RIN2: variants seen among roughly 807,000 people sequenced by gnomAD.
RIN2 encodes RAB5 interacting protein 2.
Under a neutral mutation model 78.0 loss-of-function variants are expected in RIN2, and 36 were observed. The ratio of observed to expected loss-of-function variants is 0.46; its 90% confidence interval spans 0.35 to 0.61. RIN2 has a LOEUF of 0.61. RIN2 is among the 20% of genes least tolerant of loss of function. The pLI is 0.00. For missense variants in RIN2, 1,087 were observed against 1,159.7 expected, an observed-to-expected ratio of 0.94 and a Z score of 0.91; for synonymous variants, 466 against 466.8, an observed-to-expected ratio of 1.00 and a Z score of 0.02.
chr20:19,968,665 T>G (rs1397846818), intron 7 of RIN2, among the ~76,000 whole-genome samples: 1 of 152,206 alleles, frequency 6.6e-6, no homozygotes, highest in East Asian at 1.9e-4. Flanking sequence ...ACGTTTAAGC[T>G]CCAGGTACTG....
In RIN2 at chr20:19,974,771, T is replaced by C. The variant is rs944494616; in HGVS notation, c.746T>C (p.Val249Ala). ...CGTCAGCTCTGCCTTATAAATGGAG[T>C]GCATTCTATCAAAACCAGGACGCCT... is the stretch of plus-strand genomic sequence containing the variant. ...SLRQLCLING[V>A]HSIKTRTPSE... is the part of the protein sequence containing the mutation. The change falls in exon 9 of 13, where the codon GTG (valine) becomes GCG (alanine). Residue 249 changes from valine (V) to alanine (A), a missense_variant. Transcript: ENST00000255006. 4 of 1,613,698 alleles carry C rather than the reference T, an allele frequency of 2.5e-6. No individual in the cohort carries two copies. Among genetic ancestry groups the C allele is most frequent in the Non-Finnish European group, 3.4e-6 (4 of 1,179,872 alleles).
rs1225900739 is a variant in RIN2 at position 19,996,785 on chromosome 20, G to T, written c.2307G>T (p.Arg769Ser). 1 of 1,611,646 alleles carries T rather than the reference G, an allele frequency of 6.2e-7. No individual in the cohort carries two copies. ...GCTCAGAAACCAGAGACACCCTGAGGCAGTGGCACAAACGGAGAACCACCA... is the reference window on the plus strand; with the variant it reads ...GCTCAGAAACCAGAGACACCCTGAGTCAGTGGCACAAACGGAGAACCACCA... ...LLSSETRDTL[R>S]QWHKRRTTNR... Residue 769 changes from arginine (R) to serine (S), a missense_variant, in exon 12 of 13, where the codon AGG (arginine) becomes AGT (serine). Physicochemically the swap from Arg to Ser is moderately radical, Grantham distance 110 (BLOSUM62 -1). Coordinates refer to ENST00000255006, the MANE Select transcript of RIN2 (RefSeq NM_018993.4).
chr20:19,862,529 G>T (rs1015008985), intron 2 of RIN2, among the ~76,000 whole-genome samples: 1 of 152,184 alleles, frequency 6.6e-6, no homozygotes, highest in Admixed American at 6.5e-5. Context: ...GGAGGCAGAG[G>T]TTGCGGTGAG....
At chr20:19,948,887 C>T (rs1283700565) in intron 4 of RIN2, among the ~76,000 whole-genome samples, 1 of 152,054 alleles carries the variant, frequency 6.6e-6, no homozygotes, top group Admixed American at 6.6e-5. Context: ...ACTGCAGCCT[C>T]AACCTCCTAG....
chr20:19,885,632 C>A (rs562427794), intron 2 of RIN2, among the ~76,000 whole-genome samples: 1 of 151,902 alleles, frequency 6.6e-6, no homozygotes, highest in South Asian at 2.1e-4. Context: ...TGCCACTGCA[C>A]TGCAGCCTGG....
intron 3 of RIN2, among the ~76,000 whole-genome samples, chr20:19,898,628 A>C (rs2038845190): frequency 6.6e-6 from 1 of 152,226 alleles, no homozygotes. Context: ...CAAGGCAATA[A>C]AACTGTAACC....
Position 19,975,261 on chromosome 20 carries a change from G to T in RIN2, c.1236G>T (p.Pro412=). 6.3e-7 allele frequency: 1 copy of T among 1,584,356 alleles called. No individual in the cohort carries two copies. The change falls in exon 9 of 13, where the codon CCG becomes CCT. Residue 412 remains proline, a synonymous_variant. Transcript: ENST00000255006. The surrounding 1 kb of genome is among the most constrained non-coding windows in gnomAD (Gnocchi z 4.9). ...CCCCGGGGGATTGCACAAGGGCCCCGCCGCCCAGCTCTGAATCACGGCCCC... is the reference window on the plus strand; with the variant it reads ...CCCCGGGGGATTGCACAAGGGCCCCTCCGCCCAGCTCTGAATCACGGCCCC... ...EAAPGDCTRA[P]PPSSESRPPC...
In RIN2 at chr20:20,000,637, G is replaced by C. The variant is rs555126660; in HGVS notation, c.2389G>C (p.Glu797Gln). The C allele has an allele frequency of 2.5e-5, 40 of 1,598,140 alleles. No homozygotes were observed. The East Asian group carries it at 4.9e-4, about 20-fold the overall frequency. Residue 797 changes from glutamate (E) to glutamine (Q), a missense_variant, in exon 13 of 13, where the codon GAG (glutamate) becomes CAG (glutamine). Coordinates refer to ENST00000255006, the MANE Select transcript of RIN2 (RefSeq NM_018993.4). ...GAATTACCTCCGAGTTGCATTTCAG[G>C]AGGTCAACAGTGGTTGCACAGGAAA... ...FQNYLRVAFQ[E>Q]VNSGCTGKTL...
At chr20:19,848,349 A>G (rs968894573) in intron 2 of RIN2, among the ~76,000 whole-genome samples, 1 of 151,956 alleles carries the variant, frequency 6.6e-6, no homozygotes, top group Admixed American at 6.6e-5. Flanking sequence ...CCTGGCCAAC[A>G]TGGTGAAACC....
intron 4 of RIN2, among the ~76,000 whole-genome samples, chr20:19,937,616 T>A (rs1396629383): frequency 2.0e-5 from 3 of 152,258 alleles, no homozygotes; most frequent in Non-Finnish European, 4.4e-5. Flanking sequence ...ACCTTGATCT[T>A]TAACTTTGTC....
rs1055931993 is a variant in RIN2, at chr20:19,996,139, C to T, written c.2201-540C>T. Among the ~76,000 whole-genome samples, 8 of 152,248 alleles carry T rather than the reference C, an allele frequency of 5.3e-5. No individual in the cohort carries two copies. The East Asian group carries it at 1.5e-3, about 29-fold the overall frequency. ...GACCAGCCTGGCCAATATGGTGAAA[C>T]CCCATCTCTACTAAAAATACAAAAA... On this transcript the variant is annotated intron_variant, in intron 11 of 12. Coordinates refer to ENST00000255006, the MANE Select transcript of RIN2 (RefSeq NM_018993.4).
chr20:19,873,430 AAC>A (rs1230708616), intron 2 of RIN2, among the ~76,000 whole-genome samples: 5 of 152,180 alleles, frequency 3.3e-5, no homozygotes, highest in African/African-American at 1.2e-4. Flanking sequence ...CCAACCATGT[AAC>A]ACACTTTTTC....
Position 19,986,177 on chromosome 20 carries a change from G to A in RIN2, c.1763-3829G>A, listed in dbSNP as rs181788724. ...GAGGTGGTTCATGTTATGAAAGATC[G>A]TCTGTTCCTTGGGCTCCTCAAATCC... On this transcript the variant is annotated intron_variant, in intron 9 of 12. Transcript: ENST00000255006. Among the ~76,000 whole-genome samples the A allele has an allele frequency of 3.6e-3, 549 of 152,204 alleles. 2 individuals carry two copies. The highest frequency in any genetic ancestry group is 0.01 in the Middle Eastern group (3 of 294).
At chr20:19,904,600 C>G (rs536389752) in intron 3 of RIN2, among the ~76,000 whole-genome samples, 18 of 152,262 alleles carry the variant, frequency 1.2e-4, no homozygotes, top group African/African-American at 4.3e-4. Flanking sequence ...GGAGTGACAT[C>G]TGAGGCTCTG....
Position 20,001,269 on chromosome 20 carries a change from T to G in RIN2, c.*333T>G. ...AGAAACACTTAAGATACAAGTTCTT[T>G]TGAATTCAACAGCAGATGCTTGCGA... On this transcript the variant is annotated 3_prime_UTR_variant, in exon 13 of 13. Coordinates refer to ENST00000255006, the MANE Select transcript of RIN2 (RefSeq NM_018993.4). The G allele has an allele frequency of 4.5e-6, 1 of 222,650 alleles. No homozygotes were observed. Among genetic ancestry groups the G allele is most frequent in the Non-Finnish European group, 8.8e-6 (1 of 113,262 alleles). 13.8% of individuals were successfully genotyped at this position (222,650 alleles called of 1,614,324 possible). A position where few individuals can be genotyped will look rare whatever the true frequency, so the allele number is the denominator to read the frequency against.
intron 2 of RIN2, among the ~76,000 whole-genome samples, chr20:19,831,901 A>C (rs983734508): frequency 1.3e-5 from 2 of 152,216 alleles, no homozygotes; most frequent in Non-Finnish European, 2.9e-5. Context: ...ACAAAGCAAA[A>C]CACAAACAAA....
At chr20:19,805,604 G>A (rs906928971) in intron 2 of RIN2, among the ~76,000 whole-genome samples, 11 of 152,052 alleles carry the variant, frequency 7.2e-5, no homozygotes, top group Middle Eastern at 3.2e-3. Flanking sequence ...GTTTCGCCAC[G>A]TTGGCCAGGC....
At chr20:19,942,118 A>AG (rs533733992) in intron 4 of RIN2, among the ~76,000 whole-genome samples, 1 of 143,002 alleles carries the variant, frequency 7.0e-6, no homozygotes, top group African/African-American at 2.7e-5. Context: ...TCAAAAAAAA[A>AG]AAAAGAAAGA....
intron 7 of RIN2, among the ~76,000 whole-genome samples, chr20:19,968,199 G>A (rs1351368073): frequency 6.6e-6 from 1 of 152,190 alleles, no homozygotes; most frequent in Non-Finnish European, 1.5e-5. Context: ...TCCCAGGGCT[G>A]TTCCAGGCCC....
Sources: allele counts gnomAD v4.1 joint callset (sites outside exome capture counted in the v4.1 genomes callset), GRCh38; gene constraint gnomAD v4.1.1; non-coding constraint Gnocchi (gnomAD v3.1); transcripts MANE v1.5; gene names NCBI Gene and HGNC (gene_info 2026-07-23, HGNC 2026-07-21).